The following MICU2 variants were observed in gnomAD, a reference collection of about 807,000 sequenced individuals.
MICU2 encodes mitochondrial calcium uptake 2.
Under a neutral mutation model 60.4 loss-of-function variants are expected in MICU2, and 64 were observed. The ratio of observed to expected loss-of-function variants is 1.06; its 90% confidence interval spans 0.87 to 1.31. MICU2 has a LOEUF of 1.31. Ranked by LOEUF, MICU2 falls within the 50% of genes most tolerant of loss-of-function variation. The pLI is 0.00. For synonymous variants in MICU2, 201 were observed against 175.0 expected (o/e 1.15, Z -1.17); for missense variants, 569 against 531.0 (o/e 1.07, Z -0.70).
chr13:21,495,693 G>A (rs758377140), intron 10 of MICU2: 36 of 209,794 alleles, frequency 1.7e-4, no homozygotes, highest in Non-Finnish European at 3.1e-4. Context: ...CTGCCACCAC[G>A]CCCAGCTAGT....
At chr13:21,536,347 T>C (rs1200885629) in intron 4 of MICU2, among the ~76,000 whole-genome samples, 1 of 152,188 alleles carries the variant, frequency 6.6e-6, no homozygotes, top group Non-Finnish European at 1.5e-5. Flanking sequence ...AATTTTTTTT[T>C]TTTTGAGACA....
intron 2 of MICU2, among the ~76,000 whole-genome samples, chr13:21,543,021 C>T (rs1233690181): frequency 6.6e-6 from 1 of 152,152 alleles, no homozygotes; most frequent in South Asian, 2.1e-4. Flanking sequence ...ACAATAGACA[C>T]ATTTTCTTTA....
At chr13:21,521,155 A>G in intron 6 of MICU2, 90 bp downstream of exon 6, 1 of 1,035,858 alleles carries the variant, frequency 9.7e-7, no homozygotes, top group Non-Finnish European at 1.4e-6. Flanking sequence ...TAAACAATGA[A>G]TACAATTTTG....
intron 4 of MICU2, among the ~76,000 whole-genome samples, chr13:21,526,374 TAA>T (rs923044091): frequency 9.9e-5 from 15 of 152,108 alleles, no homozygotes; most frequent in Non-Finnish European, 1.6e-4. Flanking sequence ...TAATAGTCTA[TAA>T]AATTCTGATG....
At chr13:21,563,813 A>ATTT (rs35279335) in intron 2 of MICU2, among the ~76,000 whole-genome samples, 49,037 of 143,308 alleles carry the variant, frequency 0.34, 8,636 homozygotes, top group South Asian at 0.4. Context: ...CAACAAACAC[A>ATTT]TTTTTTTTTT....
At chr13:21,532,167 T>C (rs1037326062) in intron 4 of MICU2, among the ~76,000 whole-genome samples, 1 of 152,178 alleles carries the variant, frequency 6.6e-6, no homozygotes, top group African/African-American at 2.4e-5. Context: ...CATCTACAGA[T>C]TTTTCTTCTA....
intron 2 of MICU2, among the ~76,000 whole-genome samples, chr13:21,553,810 A>C (rs967270162): frequency 1.3e-5 from 2 of 152,166 alleles, no homozygotes; most frequent in African/African-American, 2.4e-5. Flanking sequence ...AGACACACAT[A>C]GGCTCAAAAT....
chr13:21,549,783 A>G (rs1273268297), intron 2 of MICU2, among the ~76,000 whole-genome samples: 1 of 148,158 alleles, frequency 6.7e-6, no homozygotes, highest in Non-Finnish European at 1.5e-5. Flanking sequence ...GTGGAGAAAT[A>G]TAACCACAAG....
At chr13:21,539,403 A>G (rs1887221654) in intron 3 of MICU2, 26 bp from the exon 4 acceptor site, 2 of 1,596,398 alleles carry the variant, frequency 1.3e-6, no homozygotes, top group African/African-American at 2.7e-5. Flanking sequence ...TTAAAATTAA[A>G]CTTCTAAAAG....
At chr13:21,505,839 C>G (rs1048767181) in intron 8 of MICU2, among the ~76,000 whole-genome samples, 8 of 152,144 alleles carry the variant, frequency 5.3e-5, no homozygotes, top group Admixed American at 1.3e-4. Context: ...TCAAGTCCCT[C>G]AACCTCATCA....
In MICU2 at chr13:21,577,098, C is replaced by T. The variant is rs186889173; in HGVS notation, c.211-10154G>A. Among the ~76,000 whole-genome samples, 5 of 152,242 alleles carry T rather than the reference C, an allele frequency of 3.3e-5. No individual in the cohort carries two copies. The East Asian group carries it at 5.8e-4, about 18-fold the overall frequency. On this transcript the variant is annotated intron_variant, in intron 1 of 11. Transcript: ENST00000382374. ...TCTTTGTACAATTCAGAAAACAAAA[C>T]GTGTGTAAAACAAATATAGTACTAG... is the stretch of plus-strand genomic sequence containing the variant.
At chr13:21,494,818 C>G (rs1311277075) in intron 11 of MICU2, among the ~76,000 whole-genome samples, 1 of 152,120 alleles carries the variant, frequency 6.6e-6, no homozygotes, top group East Asian at 1.9e-4. Flanking sequence ...ATGTGAGCCA[C>G]CATGTCCAGC....
At chr13:21,576,170 T>G (rs1566166585) in intron 1 of MICU2, among the ~76,000 whole-genome samples, 1 of 152,222 alleles carries the variant, frequency 6.6e-6, no homozygotes, top group Non-Finnish European at 1.5e-5. Flanking sequence ...CTTTTCACAA[T>G]GAGATATGCA....
At chr13:21,565,641 G>A (rs967168788) in intron 2 of MICU2, among the ~76,000 whole-genome samples, 4 of 152,240 alleles carry the variant, frequency 2.6e-5, no homozygotes, top group Admixed American at 6.5e-5. Flanking sequence ...CTGGGCGACA[G>A]AGCGAGACTC....
intron 4 of MICU2, among the ~76,000 whole-genome samples, chr13:21,526,377 A>C (rs1242841985): frequency 6.6e-6 from 1 of 151,898 alleles, no homozygotes; most frequent in African/African-American, 2.4e-5. Flanking sequence ...TAGTCTATAA[A>C]ATTCTGATGA....
At chr13:21,563,639 G>C (rs1179081173) in intron 2 of MICU2, among the ~76,000 whole-genome samples, 1 of 151,838 alleles carries the variant, frequency 6.6e-6, no homozygotes, top group Non-Finnish European at 1.5e-5. Flanking sequence ...TGGTGTTCCT[G>C]TTCCTTATAT....
At chr13:21,562,050 T>C (rs1344439006) in intron 2 of MICU2, among the ~76,000 whole-genome samples, 3 of 151,506 alleles carry the variant, frequency 2.0e-5, no homozygotes, top group East Asian at 3.9e-4. Flanking sequence ...CTCATCATTT[T>C]TTATGGCTGC....
At chr13:21,603,913 G>A (rs907210825) in intron 1 of MICU2, 26 bp downstream of exon 1, 9 of 1,608,274 alleles carry the variant, frequency 5.6e-6, no homozygotes, top group South Asian at 4.4e-5. Context: ...CTTGACTGGG[G>A]CTAGCAGAAG....
At chr13:21,544,810 C>T (rs1025327896) in intron 2 of MICU2, among the ~76,000 whole-genome samples, 1 of 152,080 alleles carries the variant, frequency 6.6e-6, no homozygotes, top group Non-Finnish European at 1.5e-5. Context: ...CACCACCAGG[C>T]CTGGCTAATT....
Sources: gnomAD v4.1 joint callset for allele counts (sites outside exome capture counted in the v4.1 genomes callset) on GRCh38, gnomAD v4.1.1 for gene constraint, MANE v1.5 for transcripts, NCBI Gene and HGNC (gene_info 2026-07-23, HGNC 2026-07-21) for gene names.